ECE2: variants seen among roughly 807,000 people sequenced by gnomAD.
The protein encoded by ECE2 is endothelin converting enzyme 2.
A neutral mutation model predicts 100.6 loss-of-function variants in ECE2; 81 were observed. That is an observed-to-expected ratio of 0.81 (90% CI 0.67 to 0.97). ECE2 has a LOEUF of 0.97. Among genes scored for constraint, ECE2 ranks in the 50% least tolerant of loss-of-function variants. The probability of loss-of-function intolerance (pLI) is 0.00; values close to 1 mark genes in which losing one functional copy is unlikely to be tolerated. For synonymous variants in ECE2, 391 were observed against 391.5 expected (o/e 1.00, Z 0.02); for missense variants, 911 against 988.1 (o/e 0.92, Z 1.05).
intron 7 of ECE2, among the ~76,000 whole-genome samples, chr3:184,283,049 A>G (rs541284795): frequency 3.7e-4 from 56 of 152,262 alleles, no homozygotes; most frequent in African/African-American, 1.2e-3. Context: ...GAGAAGGCAC[A>G]TGGTCACTGA....
intron 10 of ECE2, among the ~76,000 whole-genome samples, chr3:184,286,703 C>T (rs368990923): frequency 7.3e-4 from 110 of 150,140 alleles, no homozygotes; most frequent in African/African-American, 2.6e-3. Context: ...ACTCGGGAGG[C>T]TGAAGCAGGA....
At chr3:184,284,903 G>A (rs998527705) in intron 8 of ECE2, 60 bp from the exon 9 acceptor site, 3 of 1,586,388 alleles carry the variant, frequency 1.9e-6, no homozygotes, top group South Asian at 2.3e-5. Flanking sequence ...AGCATACAGT[G>A]GGGGAGGGTT....
intron 4 of ECE2, 53 bp downstream of exon 4, chr3:184,277,519 C>A: frequency 2.5e-6 from 4 of 1,584,638 alleles, no homozygotes; most frequent in Non-Finnish European, 3.4e-6. Flanking sequence ...TTGTGCCCAG[C>A]ACAGGGCCTG....
intron 7 of ECE2, among the ~76,000 whole-genome samples, chr3:184,281,315 A>G (rs1032491169): frequency 6.6e-5 from 10 of 152,212 alleles, no homozygotes; most frequent in Admixed American, 3.3e-4. Context: ...GGAGAAGCAT[A>G]GGGTTCTGAG....
chr3:184,281,372 T>C (rs1310204895), intron 7 of ECE2, among the ~76,000 whole-genome samples: 2 of 152,164 alleles, frequency 1.3e-5, no homozygotes, highest in Admixed American at 1.3e-4. Context: ...GCGGATAGGC[T>C]GCAATGAAGG....
intron 13 of ECE2, 39 bp from the exon 14 acceptor site, chr3:184,290,216 A>C (rs1298682428): frequency 6.5e-7 from 1 of 1,543,012 alleles, no homozygotes; most frequent in South Asian, 1.1e-5. Context: ...TCTCCAATGG[A>C]TTCTCTTGCT....
In ECE2 at chr3:184,288,981, C is replaced by T. The variant is rs375335393; in HGVS notation, c.1375-456C>T. Among the ~76,000 whole-genome samples, 52 of 152,106 alleles carry T rather than the reference C, an allele frequency of 3.4e-4. No individual in the cohort carries two copies. The South Asian group carries it at 3.7e-3, about 11-fold the overall frequency. On this transcript the variant is annotated intron_variant, in intron 11 of 18. Coordinates refer to ENST00000404464, the MANE Select transcript of ECE2 (RefSeq NM_001100121.2). ...ACCAACCTGGCCAAGATGGTGAAAC[C>T]CCAGCTCTACTAAAAATACAAAAAT... is the stretch of plus-strand genomic sequence containing the variant.
chr3:184,279,732 A>C (rs961275551), intron 7 of ECE2, among the ~76,000 whole-genome samples: 4 of 151,970 alleles, frequency 2.6e-5, no homozygotes, highest in Non-Finnish European at 5.9e-5. Flanking sequence ...ACTGTGGTAA[A>C]ATATAGAACT....
At chr3:184,290,986 C>T (rs547920044) in intron 16 of ECE2, 54 bp from the exon 17 acceptor site, 2 of 1,561,796 alleles carry the variant, frequency 1.3e-6, no homozygotes, top group Non-Finnish European at 1.7e-6. Context: ...GGCACTGCTG[C>T]CCCCAAGAGA....
chr3:184,290,975 G>T (rs934373642), intron 16 of ECE2, 65 bp from the exon 17 acceptor site: 1 of 1,571,866 alleles, frequency 6.4e-7, no homozygotes, highest in Non-Finnish European at 8.6e-7. Flanking sequence ...GGGCTGGTGG[G>T]GGCACTGCTG....
rs771597320 is a variant in ECE2, at chr3:184,283,785, G to A, written c.817G>A (p.Val273Met). The change falls in exon 8 of 19, where the codon GTG becomes ATG. Residue 273 changes from valine (V) to methionine (M), a missense_variant and splice_region_variant. Val to Met is a conservative substitution (Grantham distance 21, BLOSUM62 1). Transcript: ENST00000404464. Reference protein sequence around the residue: ...YYLNRTANEKVLTAYLDYMEE... With the variant: ...YYLNRTANEKMLTAYLDYMEE... Reference sequence around the variant, plus strand: ...CTGAGGATCACCCGGGCCTTGACAGGTGCTCACTGCCTATCTGGATTACAT... The same window carrying A: ...CTGAGGATCACCCGGGCCTTGACAGATGCTCACTGCCTATCTGGATTACAT... The A allele has an allele frequency of 1.9e-6, 3 of 1,613,432 alleles. No individual in the cohort carries two copies. The highest frequency in any genetic ancestry group is 2.2e-5 in the East Asian group (1 of 44,804).
rs150300984 is a variant in ECE2, at chr3:184,283,802, G to A, written c.834G>A (p.Leu278=). Residue 278 remains leucine (L), a synonymous_variant, in exon 8 of 19, where the codon CTG becomes CTA. Transcript: ENST00000404464. ...CTTGACAGGTGCTCACTGCCTATCT[G>A]GATTACATGGAGGAACTGGGGATGC... ...TANEKVLTAY[L]DYMEELGMLL... 1.9e-6 allele frequency: 3 copies of A among 1,613,676 alleles called. No homozygotes were observed. In the East Asian group the frequency reaches 6.7e-5, roughly 36 times the overall value.
chr3:184,281,494 C>T (rs899348326), intron 7 of ECE2, among the ~76,000 whole-genome samples: 2 of 152,200 alleles, frequency 1.3e-5, no homozygotes, highest in Admixed American at 6.5e-5. Flanking sequence ...GCATGCGGGC[C>T]AAGGCCTTCT....
Position 184,291,924 on chromosome 3 carries a change from A to C in ECE2, c.2122-138A>C. ...CGTCATGTCCATGCTGGGCAACCCG[A>C]TGTCCAGGGCAGTTTTGGAAGGAAC... On this transcript the variant is annotated intron_variant, in intron 18 of 18. Transcript: ENST00000404464. The surrounding 1 kb of genome is among the most constrained non-coding windows in gnomAD (Gnocchi z 4.1). The C allele has an allele frequency of 1.0e-6, 1 of 965,888 alleles. No homozygotes were observed. The allele number at this position is 965,888 out of a possible 1,614,324, so 59.8% of individuals were successfully genotyped here. A position where few individuals can be genotyped will look rare whatever the true frequency, so the allele number is the denominator to read the frequency against.
At chr3:184,279,586 G>A (rs1720732564) in intron 7 of ECE2, among the ~76,000 whole-genome samples, 1 of 151,064 alleles carries the variant, frequency 6.6e-6, no homozygotes, top group African/African-American at 2.4e-5. Context: ...GAATCCAGGA[G>A]GCAGAGGTTG....
chr3:184,287,501 G>A (rs1276129405), intron 10 of ECE2, among the ~76,000 whole-genome samples: 2 of 152,108 alleles, frequency 1.3e-5, no homozygotes, highest in African/African-American at 4.8e-5. Flanking sequence ...AGACCAGCCT[G>A]GGAAACATGG....
chr3:184,276,291 G>A lies in ECE2; in HGVS notation c.39+99G>A, dbSNP rs2108415391. On this transcript the variant is annotated intron_variant, in intron 1 of 18. Coordinates refer to ENST00000404464, the MANE Select transcript of ECE2 (RefSeq NM_001100121.2). ...GGGCAGGCGGTGCCCGGCTCGCGGA[G>A]GTAAGGCTGCCTCCCGGGCCTGGTG... 7.1e-6 allele frequency: 10 copies of A among 1,414,360 alleles called. No homozygotes were observed. In the East Asian group the frequency reaches 7.5e-5, roughly 11 times the overall value. The allele number at this position is 1,414,360 out of a possible 1,614,324, so 87.6% of individuals were successfully genotyped here.
Position 184,292,490 on chromosome 3 carries a change from G to T in ECE2, c.*252G>T. The T allele has an allele frequency of 3.7e-6, 2 of 540,964 alleles. No individual in the cohort carries two copies. The highest frequency in any genetic ancestry group is 6.1e-5 in the East Asian group (2 of 32,898). 33.5% of individuals were successfully genotyped at this position (540,964 alleles called of 1,614,324 possible). A position where few individuals can be genotyped will look rare whatever the true frequency, so the allele number is the denominator to read the frequency against. On this transcript the variant is annotated 3_prime_UTR_variant, in exon 19 of 19. Coordinates refer to ENST00000404464, the MANE Select transcript of ECE2 (RefSeq NM_001100121.2). ...TTCCGTGTCACCCTGCCTGGAAGAG[G>T]TCTGGGTGGGGAGGCCAGTTCCCAT...
In ECE2 at chr3:184,291,494, G is replaced by C; in HGVS notation, c.2121+55G>C. 2 of 1,457,372 alleles carry C rather than the reference G, an allele frequency of 1.4e-6. No homozygotes were observed. The highest frequency in any genetic ancestry group is 1.8e-6 in the Non-Finnish European group (2 of 1,084,712). 90.3% of individuals were successfully genotyped at this position (1,457,372 alleles called of 1,614,324 possible). ...GCCCCTTTGTCCTGCTCCCTCCTGA[G>C]TATGTCATTAGGAGAACTCTGGGGC... On this transcript the variant is annotated intron_variant, in intron 18 of 18. Transcript: ENST00000404464. This position sits in a 1 kb window ranked among gnomAD's most constrained non-coding sequence, Gnocchi z 4.1.
Sources: gnomAD v4.1 joint callset for allele counts (sites outside exome capture counted in the v4.1 genomes callset) on GRCh38, gnomAD v4.1.1 for gene constraint, Gnocchi (gnomAD v3.1) non-coding constraint, MANE v1.5 for transcripts, NCBI Gene and HGNC (gene_info 2026-07-23, HGNC 2026-07-21) for gene names.